SLC24A4: variants seen among roughly 807,000 people sequenced by gnomAD.
The protein encoded by SLC24A4 is sodium/potassium/calcium exchanger 4.
In SLC24A4, 53 loss-of-function variants were observed where a neutral mutation model predicts 79.0. The observed-to-expected ratio is 0.67, with a 90% CI of 0.54 to 0.84. The LOEUF (loss-of-function observed/expected upper bound fraction) is 0.84. SLC24A4 is among the 40% of genes least tolerant of loss of function. The pLI, the probability that SLC24A4 is intolerant of heterozygous loss-of-function variation, is 0.00. For synonymous variants in SLC24A4, 323 were observed against 323.8 expected, an observed-to-expected ratio of 1.00 and a Z score of 0.03; for missense variants, 731 against 822.0, an observed-to-expected ratio of 0.89 and a Z score of 1.35.
chr14:92,407,494 C>T (rs1490451157), intron 2 of SLC24A4, among the ~76,000 whole-genome samples: 1 of 152,186 alleles, frequency 6.6e-6, no homozygotes, highest in East Asian at 1.9e-4. Context: ...CCACCTGAGA[C>T]TGGGTAATTT....
chr14:92,380,556 G>T (rs1218999381), intron 2 of SLC24A4, among the ~76,000 whole-genome samples: 1 of 152,240 alleles, frequency 6.6e-6, no homozygotes. Flanking sequence ...AGAGAAAGAG[G>T]TGATGCATTC....
Position 92,323,695 on chromosome 14 carries a change from G to A in SLC24A4, c.-136G>A, listed in dbSNP as rs900103441. On this transcript the variant is annotated 5_prime_UTR_variant, in exon 1 of 17. It removes an upstream start codon present in the reference 5' UTR. Transcript: ENST00000532405. This position sits in a 1 kb window ranked among gnomAD's most constrained non-coding sequence, Gnocchi z 4.9. ...CCCGCCGACCTCGCCCTCGGGCCAT[G>A]AGGCTTTGGCCCGGAGCTCCTCGCC... 1 of 1,163,914 alleles carries A rather than the reference G, an allele frequency of 8.6e-7. No homozygotes were observed. Among genetic ancestry groups the A allele is most frequent in the Non-Finnish European group, 1.2e-6 (1 of 862,872 alleles). The allele number at this position is 1,163,914 out of a possible 1,614,324, so 72.1% of individuals were successfully genotyped here.
chr14:92,334,886 A>G (rs993891840), intron 2 of SLC24A4, among the ~76,000 whole-genome samples: 2 of 151,084 alleles, frequency 1.3e-5, no homozygotes, highest in Admixed American at 6.6e-5. Context: ...CATCATCATC[A>G]TCGTCATCAT....
chr14:92,345,553 T>C (rs1428710174), intron 2 of SLC24A4, among the ~76,000 whole-genome samples: 2 of 152,020 alleles, frequency 1.3e-5, no homozygotes, highest in African/African-American at 4.8e-5. Context: ...ATACAAAAAA[T>C]TAGCCAGGCA....
intron 2 of SLC24A4, among the ~76,000 whole-genome samples, chr14:92,329,401 C>T (rs1022829977): frequency 2.0e-4 from 30 of 152,206 alleles, no homozygotes; most frequent in African/African-American, 6.8e-4. Context: ...GCATGGAAAA[C>T]GGGCTCTGCC....
intron 2 of SLC24A4, among the ~76,000 whole-genome samples, chr14:92,330,375 C>A (rs554628840): frequency 6.6e-6 from 1 of 152,264 alleles, no homozygotes; most frequent in East Asian, 1.9e-4. Context: ...TATTTTTGCT[C>A]AATGATGTCT....
At chr14:92,341,840 T>C (rs1886161382) in intron 2 of SLC24A4, among the ~76,000 whole-genome samples, 1 of 152,230 alleles carries the variant, frequency 6.6e-6, no homozygotes, top group Admixed American at 6.5e-5. Context: ...TTTCGTTCTC[T>C]AATTTCTGAG....
At chr14:92,384,771 A>T (rs775977965) in intron 2 of SLC24A4, among the ~76,000 whole-genome samples, 1 of 152,138 alleles carries the variant, frequency 6.6e-6, no homozygotes, top group Non-Finnish European at 1.5e-5. Context: ...GAAAGGAGGG[A>T]TCTGGCTTCT....
At chr14:92,373,312 G>T (rs1254475601) in intron 2 of SLC24A4, among the ~76,000 whole-genome samples, 1 of 152,104 alleles carries the variant, frequency 6.6e-6, no homozygotes, top group Non-Finnish European at 1.5e-5. Context: ...CCAAACTGCT[G>T]GGATTACAGG....
intron 3 of SLC24A4, among the ~76,000 whole-genome samples, chr14:92,436,242 TGA>T (rs1440721942): frequency 6.6e-6 from 1 of 152,150 alleles, no homozygotes; most frequent in African/African-American, 2.4e-5. Context: ...TCAGATCTCG[TGA>T]GAATTCACTC....
intron 10 of SLC24A4, chr14:92,451,499 A>G (rs1893135456): frequency 6.6e-6 from 1 of 152,270 alleles, no homozygotes; most frequent in Non-Finnish European, 1.5e-5. Context: ...CCCAGCTCCA[A>G]GCAGGTCGCT....
At chr14:92,474,827 A>ATG (rs1484148777) in intron 12 of SLC24A4, among the ~76,000 whole-genome samples, 1,387 of 76,962 alleles carry the variant, frequency 0.018, 84 homozygotes, top group Middle Eastern at 0.031. Flanking sequence ...ATATACATAT[A>ATG]TATGTGTGTG....
At chr14:92,369,997 A>G (rs1394334374) in intron 2 of SLC24A4, among the ~76,000 whole-genome samples, 2 of 148,322 alleles carry the variant, frequency 1.3e-5, no homozygotes, top group African/African-American at 5.3e-5. Context: ...TGGTTTCACA[A>G]AAGAAATGTG....
At position 92,453,982 on chromosome 14, in the gene SLC24A4, C is replaced by G; in HGVS notation, c.963C>G (p.Phe321Leu). 6.2e-7 allele frequency: 1 copy of G among 1,613,852 alleles called. No individual in the cohort carries two copies. The highest frequency in any genetic ancestry group is 8.5e-7 in the Non-Finnish European group (1 of 1,179,884). The change falls in exon 11 of 17, where the codon TTC becomes TTG. Residue 321 changes from phenylalanine to leucine, a missense_variant. Coordinates refer to ENST00000532405, the MANE Select transcript of SLC24A4 (RefSeq NM_153646.4). ...IMSSSPPKFTFPEAGLRIMIT... is the reference protein window; with the variant it reads ...IMSSSPPKFTLPEAGLRIMIT... ...GCTCCAGCCCTCCCAAGTTCACCTT[C>G]CCTGAAGCAGGCTTACGAATCATGA... is the stretch of plus-strand genomic sequence containing the variant.
In SLC24A4 at chr14:92,496,610, T is replaced by G. The variant is rs1895931262; in HGVS notation, c.*2982T>G. On this transcript the variant is annotated 3_prime_UTR_variant, in exon 17 of 17. Transcript: ENST00000532405. Reference sequence around the variant, plus strand: ...GTTAGGGTGGAAGGTGTCCAGTATCTTGAAAACCTGGCCCTGGAGGAAGGT... The same window carrying G: ...GTTAGGGTGGAAGGTGTCCAGTATCGTGAAAACCTGGCCCTGGAGGAAGGT... 1 of 152,156 alleles carries G rather than the reference T, an allele frequency of 6.6e-6. No homozygotes were observed. The highest frequency in any genetic ancestry group is 1.5e-5 in the Non-Finnish European group (1 of 68,036). 9.4% of individuals were successfully genotyped at this position (152,156 alleles called of 1,614,324 possible).
chr14:92,413,803 C>T (rs979093589), intron 2 of SLC24A4, among the ~76,000 whole-genome samples: 18 of 152,094 alleles, frequency 1.2e-4, no homozygotes, highest in African/African-American at 3.9e-4. Context: ...TAAGGCAGAA[C>T]GAACAGGGAT....
At position 92,455,271 on chromosome 14, in the gene SLC24A4, A is replaced by G. The variant is rs538176184; in HGVS notation, c.1051-1133A>G. Among the ~76,000 whole-genome samples the G allele has an allele frequency of 1.7e-4, 26 of 152,340 alleles. No individual in the cohort carries two copies. The South Asian group carries it at 4.8e-3, about 28-fold the overall frequency. ...TCAGCTCTAAAAATTTCAGTGACAC[A>G]CACCGAAAGGCTGTATGTCCACAAA... On this transcript the variant is annotated intron_variant, in intron 11 of 16. Coordinates refer to ENST00000532405, the MANE Select transcript of SLC24A4 (RefSeq NM_153646.4).
At position 92,353,381 on chromosome 14, in the gene SLC24A4, G is replaced by A. The variant is rs1213577410; in HGVS notation, c.241+27403G>A. ...TATGCATTTAGTTTATTGTTGTAGC[G>A]CAAGAGGGCAAAAAGCATTGTTGCC... On this transcript the variant is annotated intron_variant, in intron 2 of 16. Coordinates refer to ENST00000532405, the MANE Select transcript of SLC24A4 (RefSeq NM_153646.4). This position sits in a 1 kb window ranked among gnomAD's most constrained non-coding sequence, Gnocchi z 4.1. Among the ~76,000 whole-genome samples the A allele has an allele frequency of 3.9e-5, 6 of 152,176 alleles. No homozygotes were observed. The highest frequency in any genetic ancestry group is 1.4e-4 in the African/African-American group (6 of 41,444).
At chr14:92,414,324 G>C (rs1470718168) in intron 2 of SLC24A4, among the ~76,000 whole-genome samples, 1 of 152,066 alleles carries the variant, frequency 6.6e-6, no homozygotes, top group Admixed American at 6.6e-5. Context: ...AGGGGGTGAG[G>C]GGGACAATCA....
Sources: allele counts gnomAD v4.1 joint callset (sites outside exome capture counted in the v4.1 genomes callset), GRCh38; gene constraint gnomAD v4.1.1; non-coding constraint Gnocchi (gnomAD v3.1); transcripts MANE v1.5; gene names NCBI Gene and HGNC (gene_info 2026-07-23, HGNC 2026-07-21).